The following ROR2 variants were observed in gnomAD, a reference collection of about 807,000 sequenced individuals.
ROR2 encodes the protein tyrosine-protein kinase transmembrane receptor ROR2.
A neutral mutation model predicts 74.9 loss-of-function variants in ROR2; 33 were observed. That is an observed-to-expected ratio of 0.44 (90% CI 0.33 to 0.59). The LOEUF (loss-of-function observed/expected upper bound fraction) is 0.59, where lower values mean the gene tolerates loss of function less well. Among genes scored for constraint, ROR2 ranks in the 20% least tolerant of loss-of-function variants. The probability of loss-of-function intolerance (pLI) is 0.02; values close to 1 mark genes in which losing one functional copy is unlikely to be tolerated. For synonymous variants in ROR2, 586 were observed against 558.7 expected (o/e 1.05, Z -0.69); for missense variants, 1,216 against 1,313.8 (o/e 0.93, Z 1.15).
At chr9:91,781,759 A>C (rs1354875538) in intron 1 of ROR2, among the ~76,000 whole-genome samples, 1 of 152,192 alleles carries the variant, frequency 6.6e-6, no homozygotes, top group Non-Finnish European at 1.5e-5. Flanking sequence ...GGCTGGCTTA[A>C]CTCTACTTTG....
At chr9:91,771,415 G>C (rs892437560) in intron 2 of ROR2, among the ~76,000 whole-genome samples, 1 of 152,192 alleles carries the variant, frequency 6.6e-6, no homozygotes, top group African/African-American at 2.4e-5. Context: ...GTGGTTTCTA[G>C]GTCAGATATA....
At chr9:91,821,806 T>C (rs567258990) in intron 1 of ROR2, among the ~76,000 whole-genome samples, 1 of 152,282 alleles carries the variant, frequency 6.6e-6, no homozygotes, top group South Asian at 2.1e-4. Context: ...ACAGCACTCA[T>C]CATGCCCACT....
chr9:91,940,240 A>G (rs1389391959), intron 1 of ROR2, among the ~76,000 whole-genome samples: 1 of 152,042 alleles, frequency 6.6e-6, no homozygotes, highest in Non-Finnish European at 1.5e-5. Flanking sequence ...AGATGGTGTG[A>G]AAAAAACAGT....
intron 3 of ROR2, among the ~76,000 whole-genome samples, chr9:91,756,743 C>CTTTTTTTTTTTTT (rs557043787): frequency 9.6e-6 from 1 of 104,066 alleles, no homozygotes; most frequent in Non-Finnish European, 1.9e-5. Context: ...TTTTTGTTCT[C>CTTTTTTTTTTTTT]TTTTTTTTTT....
At chr9:91,844,052 G>A (rs374384893) in intron 1 of ROR2, among the ~76,000 whole-genome samples, 2 of 152,162 alleles carry the variant, frequency 1.3e-5, no homozygotes, top group African/African-American at 2.4e-5. Flanking sequence ...TCCCTGCAGC[G>A]GGGCGGATGA....
intron 4 of ROR2, 89 bp from the exon 5 acceptor site, chr9:91,737,607 C>T: frequency 6.3e-7 from 1 of 1,584,560 alleles, no homozygotes; most frequent in East Asian, 2.2e-5. Context: ...TCTTGCGATC[C>T]AGCAATTTTG....
At chr9:91,885,553 G>T (rs985988946) in intron 1 of ROR2, among the ~76,000 whole-genome samples, 11 of 152,210 alleles carry the variant, frequency 7.2e-5, no homozygotes, top group Admixed American at 2.0e-4. Context: ...GGGACCTAAG[G>T]GAAGGAGAGG....
At chr9:91,811,405 G>C (rs181289397) in intron 1 of ROR2, among the ~76,000 whole-genome samples, 1 of 152,256 alleles carries the variant, frequency 6.6e-6, no homozygotes, top group African/African-American at 2.4e-5. Context: ...TCTCCAGTGA[G>C]GGGGAGGGTC....
At chr9:91,759,449 C>T (rs998405017) in intron 2 of ROR2, among the ~76,000 whole-genome samples, 1 of 152,170 alleles carries the variant, frequency 6.6e-6, no homozygotes, top group African/African-American at 2.4e-5. Flanking sequence ...CACTAAAATG[C>T]TGATGACAAT....
intron 1 of ROR2, among the ~76,000 whole-genome samples, chr9:91,830,818 G>GTGT (rs2119182475): frequency 7.2e-6 from 1 of 139,834 alleles, no homozygotes; most frequent in Non-Finnish European, 1.6e-5. Context: ...CCGTGTGTGT[G>GTGT]TGTGTGTGTG....
intron 4 of ROR2, among the ~76,000 whole-genome samples, chr9:91,742,190 C>G (rs1309592363): frequency 6.6e-6 from 1 of 152,118 alleles, no homozygotes; most frequent in African/African-American, 2.4e-5. Flanking sequence ...AGTGGAAACC[C>G]CTGATAAACC....
At chr9:91,938,809 A>G (rs1180106092) in intron 1 of ROR2, among the ~76,000 whole-genome samples, 2 of 152,226 alleles carry the variant, frequency 1.3e-5, no homozygotes, top group Admixed American at 1.3e-4. Context: ...GCATTTGTAG[A>G]ATAACCCACA....
At chr9:91,871,829 G>A (rs1829807130) in intron 1 of ROR2, among the ~76,000 whole-genome samples, 1 of 152,092 alleles carries the variant, frequency 6.6e-6, no homozygotes, top group Non-Finnish European at 1.5e-5. Flanking sequence ...ATGGGTTCTT[G>A]GGTCGAGAGA....
chr9:91,848,979 C>T (rs1829016766), intron 1 of ROR2, among the ~76,000 whole-genome samples: 1 of 152,144 alleles, frequency 6.6e-6, no homozygotes, highest in African/African-American at 2.4e-5. Flanking sequence ...TTACAATGGA[C>T]TGCAGTGAGT....
chr9:91,850,298 GAT>G (rs1643575879), intron 1 of ROR2, among the ~76,000 whole-genome samples: 1 of 152,176 alleles, frequency 6.6e-6, no homozygotes, highest in African/African-American at 2.4e-5. Flanking sequence ...ACAGAGTAAG[GAT>G]CCACCCAAGA....
At chr9:91,936,502 A>G (rs1831693511) in intron 1 of ROR2, among the ~76,000 whole-genome samples, 1 of 152,230 alleles carries the variant, frequency 6.6e-6, no homozygotes, top group South Asian at 2.1e-4. Context: ...ACCTCATTTT[A>G]AATTATCACC....
At chr9:91,759,080 A>T (rs1268589036) in intron 2 of ROR2, among the ~76,000 whole-genome samples, 1 of 152,200 alleles carries the variant, frequency 6.6e-6, no homozygotes, top group Non-Finnish European at 1.5e-5. Context: ...CTTTCTTTTC[A>T]AGTGAAGTTG....
chr9:91,902,911 A>ATCCC (rs1221035030), intron 1 of ROR2, among the ~76,000 whole-genome samples: 4 of 152,082 alleles, frequency 2.6e-5, no homozygotes, highest in African/African-American at 9.7e-5. Flanking sequence ...GGTCAAATGC[A>ATCCC]TAGAAACAGA....
At chr9:91,727,893 C>A (rs998833996) in intron 7 of ROR2, among the ~76,000 whole-genome samples, 1 of 152,176 alleles carries the variant, frequency 6.6e-6, no homozygotes, top group African/African-American at 2.4e-5. Context: ...TTGCCCCACC[C>A]CTGCTCCCCC....
Sources: allele counts gnomAD v4.1 joint callset (sites outside exome capture counted in the v4.1 genomes callset), GRCh38; gene constraint gnomAD v4.1.1; transcripts MANE v1.5; gene names NCBI Gene and HGNC (gene_info 2026-07-23, HGNC 2026-07-21).